ENTPD7: variants seen among roughly 807,000 people sequenced by gnomAD.
The protein encoded by ENTPD7 is NTPDase 7.
Under a neutral mutation model 77.9 loss-of-function variants are expected in ENTPD7, and 53 were observed. That is an observed-to-expected ratio of 0.68 (90% confidence interval 0.55 to 0.85). The LOEUF (loss-of-function observed/expected upper bound fraction) is 0.85, where lower values mean the gene tolerates loss of function less well. Ranked by LOEUF, ENTPD7 falls within the 40% of genes least tolerant of loss-of-function variation. ENTPD7 has a pLI of 0.00. For missense variants in ENTPD7, 636 were observed against 743.7 expected, an observed-to-expected ratio of 0.86 and a Z score of 1.68; for synonymous variants, 248 against 274.9, an observed-to-expected ratio of 0.90 and a Z score of 0.97.
Position 99,691,533 on chromosome 10 carries a change from A to G in ENTPD7, c.843+15A>G. ...CTGCAAAGCAGGTACTTTACCTTTT[A>G]GGGAAATTTAGTTGCTAGGAATGCT... is the stretch of plus-strand genomic sequence containing the variant. On this transcript the variant is annotated intron_variant, in intron 8 of 12. Coordinates refer to ENST00000370489, the MANE Select transcript of ENTPD7 (RefSeq NM_020354.5). 6.2e-7 allele frequency: 1 copy of G among 1,612,166 alleles called. No individual in the cohort carries two copies. Among genetic ancestry groups the G allele is most frequent in the Non-Finnish European group, 8.5e-7 (1 of 1,179,446 alleles).
chr10:99,699,005 G>A, intron 10 of ENTPD7, 147 bp downstream of exon 10: 1 of 713,452 alleles, frequency 1.4e-6, no homozygotes, highest in South Asian at 2.0e-5. Flanking sequence ...TTTTACAGAT[G>A]AGGAAGTGGA....
intron 3 of ENTPD7, among the ~76,000 whole-genome samples, chr10:99,671,632 A>T (rs1447877959): frequency 1.3e-5 from 2 of 152,248 alleles, no homozygotes; most frequent in African/African-American, 4.8e-5. Context: ...TAGCATGTAT[A>T]CATAGTGTAC....
At position 99,710,077 on chromosome 10, in the gene ENTPD7, T is replaced by G. The variant is rs2036334583; in HGVS notation, c.*5394T>G. ...ATGACTTCAGGCTAGCATAAAGACATGTCTGCTCCTGAGCCTCTTCTTTTA... is the reference window on the plus strand; with the variant it reads ...ATGACTTCAGGCTAGCATAAAGACAGGTCTGCTCCTGAGCCTCTTCTTTTA... On this transcript the variant is annotated 3_prime_UTR_variant, in exon 13 of 13. Coordinates refer to ENST00000370489, the MANE Select transcript of ENTPD7 (RefSeq NM_020354.5). The G allele has an allele frequency of 1.0e-6, 1 of 985,284 alleles. No individual in the cohort carries two copies. The allele number at this position is 985,284 out of a possible 1,614,324, so 61.0% of individuals were successfully genotyped here. A position where few individuals can be genotyped will look rare whatever the true frequency, so the allele number is the denominator to read the frequency against.
chr10:99,670,877 G>A (rs1346434369), intron 3 of ENTPD7, among the ~76,000 whole-genome samples: 1 of 152,090 alleles, frequency 6.6e-6, no homozygotes, highest in Non-Finnish European at 1.5e-5. Flanking sequence ...AATTAGCTGG[G>A]TGTGGTGGTC....
At chr10:99,660,550 ACACAC>A in intron 2 of ENTPD7, 1 of 352,344 alleles carries the variant, frequency 2.8e-6, no homozygotes, top group Non-Finnish European at 5.7e-6. Context: ...ACACACACAC[ACACAC>A]ACACACAGAG....
In ENTPD7 at chr10:99,659,774, C is replaced by A; in HGVS notation, c.-95-88C>A. The A allele has an allele frequency of 1.3e-6, 1 of 750,048 alleles. No homozygotes were observed. Among genetic ancestry groups the A allele is most frequent in the Non-Finnish European group, 2.1e-6 (1 of 469,266 alleles). The allele number at this position is 750,048 out of a possible 1,614,324, so 46.5% of individuals were successfully genotyped here. ...GAACCAGAGCAGACGGAGCGGGAGC[C>A]TGGGGAGGAGGTGGGAGCCGTGGAA... On this transcript the variant is annotated intron_variant, in intron 1 of 12. Coordinates refer to ENST00000370489, the MANE Select transcript of ENTPD7 (RefSeq NM_020354.5). This position sits in a 1 kb window ranked among gnomAD's most constrained non-coding sequence, Gnocchi z 4.1.
intron 11 of ENTPD7, among the ~76,000 whole-genome samples, chr10:99,702,138 T>C (rs2036147637): frequency 6.6e-6 from 1 of 152,194 alleles, no homozygotes; most frequent in Non-Finnish European, 1.5e-5. Flanking sequence ...CCTACTAACA[T>C]TTATCAGCTC....
chr10:99,661,973 C>G (rs1187836186), intron 3 of ENTPD7, among the ~76,000 whole-genome samples: 4 of 152,134 alleles, frequency 2.6e-5, no homozygotes, highest in Non-Finnish European at 5.9e-5. Context: ...CTGAAATCTA[C>G]TAGTCTGGTA....
chr10:99,667,899 T>C (rs2035570003), intron 3 of ENTPD7, among the ~76,000 whole-genome samples: 1 of 151,630 alleles, frequency 6.6e-6, no homozygotes, highest in Non-Finnish European at 1.5e-5. Flanking sequence ...TATTACATAG[T>C]CTAAAAATTT....
chr10:99,689,764 T>A (rs10883405), intron 7 of ENTPD7, among the ~76,000 whole-genome samples: 128,003 of 152,196 alleles, frequency 0.84, 54,080 homozygotes, highest in Middle Eastern at 0.92. Context: ...AATAGCCAAT[T>A]GTGATCATTG....
intron 7 of ENTPD7, among the ~76,000 whole-genome samples, chr10:99,690,138 C>T (rs2133476724): frequency 1.3e-5 from 2 of 152,260 alleles, no homozygotes; most frequent in East Asian, 3.9e-4. Context: ...GACCCCAATA[C>T]TCTTTTATAT....
rs72832512 is a variant in ENTPD7, at chr10:99,691,437, A to C, written c.762A>C (p.Val254=). ...TGGCAGCAGGACGGAGAAGGACAGT[A>C]GGGATACTGGATATGGGAGGAGCCT... ...QELAAGRRRT[V]GILDMGGASL... The change falls in exon 8 of 13, where the codon GTA becomes GTC. Residue 254 remains valine (V), a synonymous_variant. Transcript: ENST00000370489. 50,876 of 1,614,058 alleles carry C rather than the reference A, an allele frequency of 0.032. 942 individuals are homozygous for C. Among genetic ancestry groups the C allele is most frequent in the South Asian group, 0.045 (4,092 of 91,080 alleles).
At position 99,679,380 on chromosome 10, in the gene ENTPD7, G is replaced by C. The variant is rs2133459486; in HGVS notation, c.311G>C (p.Arg104Thr). The part of the protein sequence containing the change: ...GSRIFVYFWP[R>T]HNGNPHDLLD... ...CGGATTTTTGTTTATTTCTGGCCAA[G>C]ACATAATGGGAACCCCCATGACTTG... is the stretch of plus-strand genomic sequence containing the variant. Residue 104 changes from arginine (R) to threonine (T), a missense_variant, in exon 4 of 13, where the codon AGA becomes ACA. Physicochemically the swap from Arg to Thr is moderately conservative, Grantham distance 71. Around this residue, in one of 3 missense-constraint regions of ENTPD7, gnomAD observed 486 missense variants for 556.5 expected, o/e 0.87. Transcript: ENST00000370489. The C allele has an allele frequency of 6.2e-7, 1 of 1,614,078 alleles. No individual in the cohort carries two copies. The highest frequency in any genetic ancestry group is 1.1e-5 in the South Asian group (1 of 91,042).
rs1163563270 is a variant in ENTPD7 at position 99,704,918 on chromosome 10, A to G, written c.*235A>G. 9.2e-6 allele frequency: 5 copies of G among 541,356 alleles called. No individual in the cohort carries two copies. The highest frequency in any genetic ancestry group is 3.3e-6 in the Non-Finnish European group (1 of 301,956). 33.5% of individuals were successfully genotyped at this position (541,356 alleles called of 1,614,324 possible). On this transcript the variant is annotated 3_prime_UTR_variant, in exon 13 of 13. Transcript: ENST00000370489. ...CAGGAGATTGGTGCTAATACGGGGG[A>G]CCAAGCTTTGTCCAAGTGAAGCAGG...
chr10:99,660,212 G>C (rs2035460909), intron 2 of ENTPD7: 2 of 726,548 alleles, frequency 2.8e-6, no homozygotes, highest in Non-Finnish European at 3.4e-6. Context: ...GTGCAAGGTT[G>C]TAACATTGAT....
chr10:99,664,076 CT>C (rs1299761412), intron 3 of ENTPD7, among the ~76,000 whole-genome samples: 1 of 151,872 alleles, frequency 6.6e-6, no homozygotes. Context: ...AGTTTGACAT[CT>C]TTTTTCACAG....
chr10:99,675,511 T>C (rs1459660562), intron 3 of ENTPD7, among the ~76,000 whole-genome samples: 1 of 148,476 alleles, frequency 6.7e-6, no homozygotes, highest in Non-Finnish European at 1.5e-5. Context: ...ATGAAAAGTT[T>C]TTAGATAGGG....
intron 3 of ENTPD7, among the ~76,000 whole-genome samples, chr10:99,678,359 T>C (rs2035710651): frequency 6.6e-6 from 1 of 151,600 alleles, no homozygotes; most frequent in African/African-American, 2.4e-5. Flanking sequence ...TCCCAGCTAC[T>C]TGGGAGGCTG....
rs756144799 is a variant in ENTPD7 at position 99,700,865 on chromosome 10, A to G, written c.1336-108A>G. 4.7e-6 allele frequency: 4 copies of G among 860,152 alleles called. No homozygotes were observed. The East Asian group carries it at 7.3e-5, about 16-fold the overall frequency. The allele number at this position is 860,152 out of a possible 1,614,324, so 53.3% of individuals were successfully genotyped here. A position where few individuals can be genotyped will look rare whatever the true frequency, so the allele number is the denominator to read the frequency against. On this transcript the variant is annotated intron_variant, in intron 10 of 12. Transcript: ENST00000370489. ...CACACCATTTCTGTTTTCCTTTGTC[A>G]GCTGGTAGCCCACAAGTAACTTTAG...
Sources: gnomAD v4.1 joint callset for allele counts (sites outside exome capture counted in the v4.1 genomes callset) on GRCh38, gnomAD v4.1.1 for gene constraint, gnomAD v4.1.1 regional missense constraint, Gnocchi (gnomAD v3.1) non-coding constraint, MANE v1.5 for transcripts, NCBI Gene and HGNC (gene_info 2026-07-23, HGNC 2026-07-21) for gene names.